Variants in PAK5 observed in about 807,000 individuals in gnomAD.
The protein encoded by PAK5 is serine/threonine-protein kinase PAK 5.
Under a neutral mutation model 65.9 loss-of-function variants are expected in PAK5, and 16 were observed. The ratio of observed to expected loss-of-function variants is 0.24; its 90% CI spans 0.16 to 0.37. The LOEUF (loss-of-function observed/expected upper bound fraction) is 0.37, where lower values mean the gene tolerates loss of function less well. Ranked by LOEUF, PAK5 falls within the 10% of genes least tolerant of loss-of-function variation. The pLI is 1.00. For missense variants in PAK5, 785 were observed against 903.9 expected, an observed-to-expected ratio of 0.87 and a Z score of 1.69; for synonymous variants, 371 against 354.9, an observed-to-expected ratio of 1.05 and a Z score of -0.51.
intron 1 of PAK5, among the ~76,000 whole-genome samples, chr20:9,716,892 T>C (rs1450412517): frequency 6.6e-6 from 1 of 152,042 alleles, no homozygotes; most frequent in Non-Finnish European, 1.5e-5. Flanking sequence ...GAGACCAGCC[T>C]GAGCAACATG....
At chr20:9,658,942 C>T (rs2047306964) in intron 2 of PAK5, among the ~76,000 whole-genome samples, 1 of 152,168 alleles carries the variant, frequency 6.6e-6, no homozygotes, top group Admixed American at 6.5e-5. Flanking sequence ...CAAGATATCA[C>T]ACTGAGATCT....
intron 1 of PAK5, among the ~76,000 whole-genome samples, chr20:9,730,612 A>G (rs1302433612): frequency 6.6e-6 from 1 of 152,210 alleles, no homozygotes; most frequent in Non-Finnish European, 1.5e-5. Context: ...AAAGGTAGAA[A>G]GCTCTTGACA....
chr20:9,596,568 G>A lies in PAK5; in HGVS notation c.205-15638C>T, dbSNP rs748916428. Among the ~76,000 whole-genome samples the A allele has an allele frequency of 2.6e-3, 384 of 150,196 alleles. 1 individual carries two copies. Among genetic ancestry groups the A allele is most frequent in the African/African-American group, 9.1e-3 (371 of 40,826 alleles). ...GGAGAATGGTGTGAACCCAGGAGGC[G>A]GAGCTTGCAGTGAGCTGAGATAGCA... On this transcript the variant is annotated intron_variant, in intron 3 of 9. Transcript: ENST00000353224.
At chr20:9,735,104 TC>T (rs1302306674) in intron 1 of PAK5, among the ~76,000 whole-genome samples, 1 of 152,192 alleles carries the variant, frequency 6.6e-6, no homozygotes, top group East Asian at 1.9e-4. Flanking sequence ...TTTCATTTTT[TC>T]ATATTAAAAA....
chr20:9,649,636 G>A (rs894896466), intron 2 of PAK5, among the ~76,000 whole-genome samples: 1 of 152,112 alleles, frequency 6.6e-6, no homozygotes, highest in Admixed American at 6.6e-5. Flanking sequence ...TCCCAATTCA[G>A]GTCTCTACGA....
intron 3 of PAK5, among the ~76,000 whole-genome samples, chr20:9,630,439 A>C (rs564255486): frequency 1.0e-3 from 156 of 152,340 alleles, no homozygotes; most frequent in African/African-American, 3.6e-3. Flanking sequence ...TCTCAGAAGG[A>C]GGCCAAGGAA....
At chr20:9,545,849 T>C (rs1033662171) in intron 7 of PAK5, among the ~76,000 whole-genome samples, 2 of 152,126 alleles carry the variant, frequency 1.3e-5, no homozygotes, top group Admixed American at 1.3e-4. Context: ...TTCTAGTGAA[T>C]GACACCAACA....
intron 1 of PAK5, among the ~76,000 whole-genome samples, chr20:9,744,119 C>T (rs2048480676): frequency 6.6e-6 from 1 of 152,148 alleles, no homozygotes; most frequent in Non-Finnish European, 1.5e-5. Context: ...CTCCTATGGC[C>T]TCTGGAGGAA....
chr20:9,807,670 C>T (rs1020235917), intron 1 of PAK5, among the ~76,000 whole-genome samples: 1 of 151,676 alleles, frequency 6.6e-6, no homozygotes, highest in African/African-American at 2.4e-5. Flanking sequence ...CTATGTTTTC[C>T]AGGTTCCCTT....
chr20:9,796,373 G>A (rs1026338011), intron 1 of PAK5, among the ~76,000 whole-genome samples: 3 of 152,080 alleles, frequency 2.0e-5, no homozygotes, highest in Middle Eastern at 3.4e-3. Context: ...CAAAGAGATG[G>A]GAGGCATCAA....
At position 9,762,320 on chromosome 20, in the gene PAK5, A is replaced by C. The variant is rs144490593; in HGVS notation, c.-161-50885T>G. On this transcript the variant is annotated intron_variant, in intron 1 of 9. Transcript: ENST00000353224. The stretch of plus-strand genomic sequence containing the variant: ...CAAAGGAAACAATTAACAAAATGAA[A>C]AGACAACCTATGGAATAGTAGAACA... Among the ~76,000 whole-genome samples the C allele has an allele frequency of 2.5e-3, 377 of 152,314 alleles. 2 individuals carry two copies. Among genetic ancestry groups the C allele is most frequent in the African/African-American group, 8.5e-3 (354 of 41,586 alleles).
intron 7 of PAK5, among the ~76,000 whole-genome samples, chr20:9,555,886 T>C (rs935582079): frequency 1.3e-5 from 2 of 152,236 alleles, no homozygotes; most frequent in Admixed American, 1.3e-4. Context: ...AGATGAGTGA[T>C]ACTTGGCCCT....
intron 2 of PAK5, among the ~76,000 whole-genome samples, chr20:9,653,332 T>C (rs945878103): frequency 3.3e-5 from 5 of 152,202 alleles, no homozygotes; most frequent in Admixed American, 2.0e-4. Context: ...ACTATAAGTT[T>C]ACTTCTCCTT....
chr20:9,609,119 G>A lies in PAK5; in HGVS notation c.205-28189C>T, dbSNP rs183810083. On this transcript the variant is annotated intron_variant, in intron 3 of 9. Transcript: ENST00000353224. The stretch of plus-strand genomic sequence containing the variant: ...CAGACACCTGGGCTTTGTGTAACAA[G>A]GCATTGGCAACCACATGATGCTGGG... Among the ~76,000 whole-genome samples, 769 of 139,476 alleles carry A rather than the reference G, an allele frequency of 5.5e-3. 3 individuals are homozygous for A. The highest frequency in any genetic ancestry group is 0.019 in the African/African-American group (732 of 38,314). 91.5% of individuals were successfully genotyped at this position (139,476 alleles called of 152,430 possible). A position where few individuals can be genotyped will look rare whatever the true frequency, so the allele number is the denominator to read the frequency against.
intron 9 of PAK5, among the ~76,000 whole-genome samples, chr20:9,541,081 C>T (rs1482600286): frequency 6.6e-6 from 1 of 152,168 alleles, no homozygotes; most frequent in Non-Finnish European, 1.5e-5. Context: ...AAATTTCAAT[C>T]TCTCTTTTTT....
rs2122996871 is a variant in PAK5, at chr20:9,566,126, C to A, written c.1249G>T (p.Gly417Cys). 1 of 1,613,580 alleles carries A rather than the reference C, an allele frequency of 6.2e-7. No individual in the cohort carries two copies. Among genetic ancestry groups the A allele is most frequent in the East Asian group, 2.2e-5 (1 of 44,802 alleles). The change falls in exon 5 of 10, where the codon GGC becomes TGC. Residue 417 changes from glycine to cysteine, a missense_variant. Gly to Cys is a radical substitution (Grantham distance 159). Coordinates refer to ENST00000353224, the MANE Select transcript of PAK5 (RefSeq NM_177990.4). Reference sequence around the variant, plus strand: ...GAGGGCTGCTGGTCGGAGGAGGAGCCCCAGCTGGGCGGCGGGTAGGTGCTG... The same window carrying A: ...GAGGGCTGCTGGTCGGAGGAGGAGCACCAGCTGGGCGGCGGGTAGGTGCTG... ...SSSTYPPPSW[G>C]SSSDQQPSRV...
chr20:9,665,055 G>A (rs1600216535), intron 2 of PAK5, among the ~76,000 whole-genome samples: 1 of 142,814 alleles, frequency 7.0e-6, no homozygotes, highest in South Asian at 2.2e-4. Flanking sequence ...AACTATAGGT[G>A]CACACCACCA....
intron 2 of PAK5, among the ~76,000 whole-genome samples, chr20:9,664,328 G>T (rs2084179295): frequency 6.6e-6 from 1 of 152,134 alleles, no homozygotes; most frequent in Non-Finnish European, 1.5e-5. Context: ...TAAAGAACAT[G>T]AGAAAAGTCA....
chr20:9,591,279 A>G (rs2046165649), intron 3 of PAK5, among the ~76,000 whole-genome samples: 1 of 152,052 alleles, frequency 6.6e-6, no homozygotes, highest in Non-Finnish European at 1.5e-5. Context: ...ACCTGTTACA[A>G]ATGCTGCCTC....
Sources: allele counts gnomAD v4.1 joint callset (sites outside exome capture counted in the v4.1 genomes callset), GRCh38; gene constraint gnomAD v4.1.1; transcripts MANE v1.5; gene names NCBI Gene and HGNC (gene_info 2026-07-23, HGNC 2026-07-21).